SCOC: variants seen among roughly 807,000 people sequenced by gnomAD.
SCOC encodes short coiled-coil protein.
A neutral mutation model predicts 9.9 loss-of-function variants in SCOC; 7 were observed. The ratio of observed to expected loss-of-function variants is 0.71; its 90% CI spans 0.40 to 1.33. SCOC has a LOEUF of 1.33. SCOC is among the 40% of genes most tolerant of loss of function. The pLI is 0.01. For missense variants in SCOC, 66 were observed against 89.7 expected, an observed-to-expected ratio of 0.74 and a Z score of 1.07; for synonymous variants, 19 against 28.2, an observed-to-expected ratio of 0.67 and a Z score of 1.03.
At chr4:140,306,273 C>T (rs1368304859) in intron 1 of SCOC, among the ~76,000 whole-genome samples, 4 of 152,058 alleles carry the variant, frequency 2.6e-5, no homozygotes, top group Non-Finnish European at 5.9e-5. Context: ...ATCATGAGAA[C>T]AGCACAGGAA....
chr4:140,364,458 A>G (rs545890495), intron 2 of SCOC, among the ~76,000 whole-genome samples: 1 of 152,294 alleles, frequency 6.6e-6, no homozygotes, highest in South Asian at 2.1e-4. Flanking sequence ...ATGCAGATCA[A>G]AGTGCCCTAT....
intron 1 of SCOC, among the ~76,000 whole-genome samples, chr4:140,271,312 C>A (rs147032239): frequency 6.6e-6 from 1 of 152,286 alleles, no homozygotes; most frequent in African/African-American, 2.4e-5. Flanking sequence ...ATGATGTGAT[C>A]ACAAGGCTCA....
intron 2 of SCOC, among the ~76,000 whole-genome samples, chr4:140,345,584 G>A (rs1328875104): frequency 6.6e-6 from 1 of 152,168 alleles, no homozygotes; most frequent in African/African-American, 2.4e-5. Context: ...TAAAAAAATG[G>A]AGCTTGTTTA....
At chr4:140,273,522 G>C (rs913619863) in intron 1 of SCOC, among the ~76,000 whole-genome samples, 1 of 151,558 alleles carries the variant, frequency 6.6e-6, no homozygotes, top group Non-Finnish European at 1.5e-5. Context: ...TCAACAGGTA[G>C]GCAGGAAAGC....
chr4:140,378,258 A>G (rs1418231002), intron 1 of SCOC, among the ~76,000 whole-genome samples: 6 of 152,152 alleles, frequency 3.9e-5, no homozygotes, highest in Admixed American at 6.5e-5. Flanking sequence ...ATTAAACAGT[A>G]TATGTAAAGC....
At chr4:140,298,923 C>T (rs1731731215) in intron 1 of SCOC, among the ~76,000 whole-genome samples, 1 of 152,150 alleles carries the variant, frequency 6.6e-6, no homozygotes, top group South Asian at 2.1e-4. Flanking sequence ...CCAAGCGATC[C>T]TCCCACTTCA....
rs113389900 is a variant in SCOC at position 140,356,748 on chromosome 4, G to A, written c.70+13040G>A. ...AGGTTAACTTTGAGCTCTTGATTAC[G>A]GGTGGTGTCTGACTCATTTTTCCTT... On this transcript the variant is annotated intron_variant, in intron 2 of 4. Coordinates refer to the SCOC transcript ENST00000338517. 3.1e-3 allele frequency among the ~76,000 whole-genome samples: 479 copies of A among 152,148 alleles called. 2 individuals are homozygous for A. The highest frequency in any genetic ancestry group is 6.8e-3 in the Middle Eastern group (2 of 294).
At chr4:140,343,669 G>C (rs190256178) in exon 2 of SCOC, 2 of 1,613,756 alleles carry the variant, frequency 1.2e-6, no homozygotes, top group East Asian at 2.2e-5. Flanking sequence ...GGAGGAGGAA[G>C]ACAGCACATT....
At chr4:140,260,010 C>T (rs1016692486) in intron 1 of SCOC, among the ~76,000 whole-genome samples, 6 of 152,164 alleles carry the variant, frequency 3.9e-5, no homozygotes, top group African/African-American at 1.4e-4. Flanking sequence ...GGTCAAATCT[C>T]ACTCCCAGCT....
intron 1 of SCOC, among the ~76,000 whole-genome samples, chr4:140,280,203 A>G (rs1046454745): frequency 1.1e-4 from 16 of 152,132 alleles, no homozygotes; most frequent in African/African-American, 2.6e-4. Context: ...TGCAGCCTCA[A>G]ACTCCTGGGT....
chr4:140,314,112 T>TA (rs369473232), intron 1 of SCOC: 19,582 of 141,646 alleles, frequency 0.14, 1,549 homozygotes, highest in African/African-American at 0.23. Flanking sequence ...AGACCCTGTT[T>TA]AAAAAAAAAA....
intron 1 of SCOC, among the ~76,000 whole-genome samples, chr4:140,259,090 T>G (rs763425338): frequency 6.6e-6 from 1 of 152,260 alleles, no homozygotes; most frequent in Non-Finnish European, 1.5e-5. Flanking sequence ...GGGTTATTAC[T>G]GAAGCTAATA....
chr4:140,338,477 G>C (rs917839629), upstream of SCOC, among the ~76,000 whole-genome samples: 4 of 152,086 alleles, frequency 2.6e-5, no homozygotes, highest in Non-Finnish European at 5.9e-5. Context: ...AGAAATAAAG[G>C]GTATTCAATC....
intron 1 of SCOC, among the ~76,000 whole-genome samples, chr4:140,266,488 T>C (rs1032491197): frequency 6.6e-6 from 1 of 152,050 alleles, no homozygotes; most frequent in South Asian, 2.1e-4. Context: ...GAGAGTGAGG[T>C]GCTACACCTT....
chr4:140,373,846 G>C (rs1728189922), intron 1 of SCOC, 129 bp downstream of exon 1: 4 of 1,032,322 alleles, frequency 3.9e-6, no homozygotes, highest in Non-Finnish European at 5.8e-6. Flanking sequence ...CGGGAGGAGC[G>C]GTCTCGGGCC....
At position 140,381,239 on chromosome 4, in the gene SCOC, A is replaced by G; in HGVS notation, c.*135A>G. 1 of 769,494 alleles carries G rather than the reference A, an allele frequency of 1.3e-6. No individual in the cohort carries two copies. The highest frequency in any genetic ancestry group is 2.0e-6 in the Non-Finnish European group (1 of 500,576). 47.7% of individuals were successfully genotyped at this position (769,494 alleles called of 1,614,324 possible). On this transcript the variant is annotated 3_prime_UTR_variant, in exon 4 of 4. Transcript: ENST00000608372. ...AAGATAATGTCAGATGTAGACAAAA[A>G]TAACACAATAACAGGAGACTTCCAT... is the stretch of plus-strand genomic sequence containing the variant.
intron 1 of SCOC, among the ~76,000 whole-genome samples, chr4:140,299,873 G>C (rs1441510109): frequency 6.6e-6 from 1 of 152,160 alleles, no homozygotes; most frequent in Non-Finnish European, 1.5e-5. Context: ...ACAGTCCTTT[G>C]TTCTCCACAG....
intron 1 of SCOC, among the ~76,000 whole-genome samples, chr4:140,285,939 CTTTGGG>C (rs1731254509): frequency 6.6e-6 from 1 of 152,138 alleles, no homozygotes; most frequent in East Asian, 1.9e-4. Context: ...AATCCTAGCA[CTTTGGG>C]TGGCTGAGGC....
intron 1 of SCOC, chr4:140,374,006 C>G (rs1175917464): frequency 1.7e-6 from 1 of 601,482 alleles, no homozygotes; most frequent in Non-Finnish European, 3.1e-6. Flanking sequence ...TTTCTCCCCG[C>G]AGCTCCTGGG....
Sources: gnomAD v4.1 joint callset for allele counts (sites outside exome capture counted in the v4.1 genomes callset) on GRCh38, gnomAD v4.1.1 for gene constraint, MANE v1.5 for transcripts, NCBI Gene and HGNC (gene_info 2026-07-23, HGNC 2026-07-21) for gene names.